Variants in SGCZ observed in about 807,000 individuals in gnomAD.
SGCZ encodes the protein sarcoglycan zeta, also known as zeta-sarcoglycan.
A neutral mutation model predicts 41.3 loss-of-function variants in SGCZ; 40 were observed. That is an observed-to-expected ratio of 0.97 (90% CI 0.75 to 1.26). SGCZ has a LOEUF of 1.26. SGCZ is among the 50% of genes most tolerant of loss of function. The pLI, the probability that SGCZ is intolerant of heterozygous loss-of-function variation, is 0.00. For missense variants in SGCZ, 552 were observed against 369.8 expected (o/e 1.49, Z -4.04); for synonymous variants, 206 against 137.5 (o/e 1.50, Z -3.49).
At chr8:14,325,751 T>A (rs201276868) in intron 2 of SGCZ, among the ~76,000 whole-genome samples, 1 of 19,422 alleles carries the variant, frequency 5.1e-5, no homozygotes, top group Admixed American at 6.1e-4. Flanking sequence ...CACACACATA[T>A]ATATATATAT....
chr8:14,252,299 G>A lies in SGCZ; in HGVS notation c.337-14620C>T, dbSNP rs556010519. Reference sequence around the variant, plus strand: ...AATATTAATTTATGAATATATTTTTGTCATGTATTTTTTTCAGACTTGTCA... The same window carrying A: ...AATATTAATTTATGAATATATTTTTATCATGTATTTTTTTCAGACTTGTCA... On this transcript the variant is annotated intron_variant, in intron 3 of 7. Transcript: ENST00000382080. Among the ~76,000 whole-genome samples, 76 of 151,688 alleles carry A rather than the reference G, an allele frequency of 5.0e-4. 3 individuals are homozygous for A. The highest frequency in any genetic ancestry group is 1.8e-3 in the African/African-American group (75 of 41,362).
intron 2 of SGCZ, among the ~76,000 whole-genome samples, chr8:14,533,623 T>A (rs1803204999): frequency 2.0e-5 from 3 of 151,994 alleles, no homozygotes; most frequent in Admixed American, 1.3e-4. Context: ...TGGAGAGGAT[T>A]CCAATCTAGG....
chr8:14,711,598 T>TAAAAAAAA (rs200467876), intron 1 of SGCZ, among the ~76,000 whole-genome samples: 1 of 80,294 alleles, frequency 1.2e-5, no homozygotes, highest in Admixed American at 1.6e-4. Flanking sequence ...TGAGACTCTG[T>TAAAAAAAA]AAAAAAAAAA....
intron 1 of SGCZ, among the ~76,000 whole-genome samples, chr8:14,927,099 A>ATTTTTTT (rs1563368643): frequency 1.5e-5 from 2 of 129,634 alleles, no homozygotes; most frequent in African/African-American, 5.8e-5. Context: ...AAAGTTCCTG[A>ATTTTTTT]TTCTTTTTTT....
intron 1 of SGCZ, among the ~76,000 whole-genome samples, chr8:14,645,478 T>TTTTATATATATATATATATATA (rs1554472104): frequency 9.4e-6 from 1 of 106,594 alleles, no homozygotes; most frequent in South Asian, 3.0e-4. Flanking sequence ...ATATATATAT[T>TTTTATATATATATATATATATA]TATATGTATA....
intron 1 of SGCZ, among the ~76,000 whole-genome samples, chr8:14,795,280 T>C (rs1260853133): frequency 6.6e-6 from 1 of 152,186 alleles, no homozygotes; most frequent in African/African-American, 2.4e-5. Context: ...TAAATTAGGA[T>C]TTACTTAACA....
intron 1 of SGCZ, among the ~76,000 whole-genome samples, chr8:14,939,990 G>C (rs528072752): frequency 2.6e-4 from 40 of 152,144 alleles, no homozygotes; most frequent in Non-Finnish European, 5.0e-4. Context: ...GATTAGCACA[G>C]CAGACAGTCA....
intron 2 of SGCZ, among the ~76,000 whole-genome samples, chr8:14,398,832 T>C (rs1272677506): frequency 1.3e-5 from 2 of 152,112 alleles, no homozygotes; most frequent in Admixed American, 1.3e-4. Flanking sequence ...CAGGTGGCTT[T>C]GAGGTGATTA....
In SGCZ at chr8:15,166,371, C is replaced by T. The variant is rs529106491; in HGVS notation, c.39+71214G>A. On this transcript the variant is annotated intron_variant, in intron 1 of 7. Transcript: ENST00000382080. Reference sequence around the variant, plus strand: ...CACACCATTCTCCTGCCTCAGCCTCCTGGGTAGCTGGGACTACAGGCGCCC... The same window carrying T: ...CACACCATTCTCCTGCCTCAGCCTCTTGGGTAGCTGGGACTACAGGCGCCC... 3.3e-5 allele frequency among the ~76,000 whole-genome samples: 5 copies of T among 152,084 alleles called. No individual in the cohort carries two copies. In the South Asian group the frequency reaches 6.2e-4, roughly 19 times the overall value.
chr8:15,096,190 C>T (rs991546947), intron 1 of SGCZ, among the ~76,000 whole-genome samples: 11 of 152,004 alleles, frequency 7.2e-5, no homozygotes, highest in Non-Finnish European at 1.3e-4. Flanking sequence ...AATTCTCCTG[C>T]CTCAGCCTCC....
At chr8:15,045,602 A>G (rs1804273896) in intron 1 of SGCZ, among the ~76,000 whole-genome samples, 1 of 152,112 alleles carries the variant, frequency 6.6e-6, no homozygotes, top group Non-Finnish European at 1.5e-5. Flanking sequence ...CTTATTATTT[A>G]TGCCAGCAAA....
At chr8:15,107,657 G>A (rs1030936538) in intron 1 of SGCZ, among the ~76,000 whole-genome samples, 1 of 151,730 alleles carries the variant, frequency 6.6e-6, no homozygotes, top group African/African-American at 2.4e-5. Context: ...CCTTTTTTTT[G>A]TTTGTTTATT....
intron 1 of SGCZ, among the ~76,000 whole-genome samples, chr8:14,654,452 G>T (rs1039880341): frequency 7.2e-5 from 11 of 152,030 alleles, no homozygotes; most frequent in African/African-American, 2.7e-4. Context: ...GTTGCTATGA[G>T]AATTAAGCAT....
intron 4 of SGCZ, among the ~76,000 whole-genome samples, chr8:14,210,977 G>A (rs1236156981): frequency 6.6e-6 from 1 of 152,142 alleles, no homozygotes; most frequent in African/African-American, 2.4e-5. Context: ...TTGGAAATGA[G>A]AGAAACCCAC....
At chr8:14,100,856 C>T (rs1020188299) in intron 7 of SGCZ, among the ~76,000 whole-genome samples, 1 of 151,838 alleles carries the variant, frequency 6.6e-6, no homozygotes, top group Non-Finnish European at 1.5e-5. Flanking sequence ...GAACATGCCT[C>T]TCAACTTATC....
chr8:14,620,524 T>G (rs1324953728), intron 1 of SGCZ, among the ~76,000 whole-genome samples: 2 of 151,998 alleles, frequency 1.3e-5, no homozygotes, highest in African/African-American at 4.8e-5. Flanking sequence ...GGGAGAAAAT[T>G]TTTGCAACCT....
intron 1 of SGCZ, among the ~76,000 whole-genome samples, chr8:15,022,730 A>G (rs554118623): frequency 6.6e-6 from 1 of 152,220 alleles, no homozygotes; most frequent in Non-Finnish European, 1.5e-5. Flanking sequence ...GAGACAAAAC[A>G]TGGCAATAGT....
At chr8:15,128,209 T>C (rs920028826) in intron 1 of SGCZ, among the ~76,000 whole-genome samples, 1 of 152,176 alleles carries the variant, frequency 6.6e-6, no homozygotes, top group Non-Finnish European at 1.5e-5. Flanking sequence ...GAAGAGTTAT[T>C]TTCAGTGCTC....
At chr8:14,276,816 C>T (rs998707844) in intron 3 of SGCZ, among the ~76,000 whole-genome samples, 1 of 152,138 alleles carries the variant, frequency 6.6e-6, no homozygotes, top group African/African-American at 2.4e-5. Context: ...CCCACTTCAG[C>T]TATTACAGGA....
Sources: allele counts gnomAD v4.1 joint callset (sites outside exome capture counted in the v4.1 genomes callset), GRCh38; gene constraint gnomAD v4.1.1; transcripts MANE v1.5; gene names NCBI Gene and HGNC (gene_info 2026-07-23, HGNC 2026-07-21).